The following HECW1 variants were observed in gnomAD, a reference collection of about 807,000 sequenced individuals.
HECW1 encodes the protein HECT, C2 and WW domain containing E3 ubiquitin protein ligase 1, also known as E3 ubiquitin-protein ligase HECW1.
A neutral mutation model predicts 182.3 loss-of-function variants in HECW1; 61 were observed. The ratio of observed to expected loss-of-function variants is 0.33; its 90% confidence interval spans 0.27 to 0.41. The LOEUF is 0.41. Among genes scored for constraint, HECW1 ranks in the 10% least tolerant of loss-of-function variants. HECW1 has a pLI of 1.00. For missense variants in HECW1, 1,739 were observed against 2,108.9 expected, an observed-to-expected ratio of 0.82 and a Z score of 3.44; for synonymous variants, 859 against 832.6, an observed-to-expected ratio of 1.03 and a Z score of -0.55.
chr7:43,459,908 A>ATGG (rs771328872), intron 13 of HECW1, among the ~76,000 whole-genome samples: 3 of 152,210 alleles, frequency 2.0e-5, no homozygotes, highest in Non-Finnish European at 4.4e-5. Flanking sequence ...CATGGTTATG[A>ATGG]TGGTGATATG....
chr7:43,351,378 G>T (rs1814422639), intron 5 of HECW1, among the ~76,000 whole-genome samples: 1 of 152,156 alleles, frequency 6.6e-6, no homozygotes, highest in Non-Finnish European at 1.5e-5. Flanking sequence ...GAGAGTTTCG[G>T]CTGTAGTAGT....
intron 6 of HECW1, among the ~76,000 whole-genome samples, chr7:43,388,867 C>A (rs1013655837): frequency 6.6e-6 from 1 of 152,144 alleles, no homozygotes; most frequent in African/African-American, 2.4e-5. Context: ...CCAGTGGGTG[C>A]CTCTTGATGA....
At chr7:43,142,487 G>C (rs551373745) in intron 2 of HECW1, among the ~76,000 whole-genome samples, 25 of 152,244 alleles carry the variant, frequency 1.6e-4, no homozygotes, top group South Asian at 4.1e-4. Flanking sequence ...GTGGGCTGCT[G>C]TGCCCACCAG....
Position 43,445,255 on chromosome 7 carries a change from A to T in HECW1, c.2083A>T (p.Ser695Cys), listed in dbSNP as rs1173371919. Reference protein sequence around the residue: ...SSCYSTSCYSSSCYSASCYSP... With the variant: ...SSCYSTSCYSCSCYSASCYSP... Reference sequence around the variant, plus strand: ...GTGCTACAGCACGTCCTGCTACAGCAGCTCGTGCTACAGCGCCTCGTGCTA... The same window carrying T: ...GTGCTACAGCACGTCCTGCTACAGCTGCTCGTGCTACAGCGCCTCGTGCTA... Residue 695 changes from serine to cysteine, a missense_variant, in exon 11 of 30, where the codon AGC (serine) becomes TGC (cysteine). Transcript: ENST00000395891. The T allele has an allele frequency of 6.2e-7, 1 of 1,612,390 alleles. No individual in the cohort carries two copies.
chr7:43,370,234 G>A lies in HECW1; in HGVS notation c.555+9254G>A, dbSNP rs913168390. 3.3e-5 allele frequency among the ~76,000 whole-genome samples: 5 copies of A among 152,242 alleles called. No homozygotes were observed. The South Asian group carries it at 6.2e-4, about 19-fold the overall frequency. On this transcript the variant is annotated intron_variant, in intron 6 of 29. Coordinates refer to ENST00000395891, the MANE Select transcript of HECW1 (RefSeq NM_015052.5). ...ATATCTCACCAAAAATACACAAATG[G>A]AAAATTAGCATATGAAAAGATGCCC...
chr7:43,308,005 A>T (rs113029185), intron 3 of HECW1, among the ~76,000 whole-genome samples: 1 of 114,848 alleles, frequency 8.7e-6, no homozygotes, highest in Non-Finnish European at 1.7e-5. Context: ...TATAATATAT[A>T]ATATACAGTA....
At chr7:43,173,900 G>A (rs1262936763) in intron 2 of HECW1, among the ~76,000 whole-genome samples, 3 of 151,802 alleles carry the variant, frequency 2.0e-5, no homozygotes, top group African/African-American at 7.3e-5. Flanking sequence ...GGTGGGGTGG[G>A]GTGATCAAAG....
chr7:43,259,919 A>G (rs186849541), intron 3 of HECW1, among the ~76,000 whole-genome samples: 7 of 152,360 alleles, frequency 4.6e-5, no homozygotes, highest in African/African-American at 1.2e-4. Context: ...CAGCTGAAAT[A>G]TATGGGATAC....
At chr7:43,320,281 G>T (rs1012904896) in intron 4 of HECW1, among the ~76,000 whole-genome samples, 3 of 152,200 alleles carry the variant, frequency 2.0e-5, no homozygotes, top group African/African-American at 7.2e-5. Flanking sequence ...TCAGTTCATA[G>T]AAGCTTTAGG....
intron 2 of HECW1, among the ~76,000 whole-genome samples, chr7:43,197,354 A>T (rs910098117): frequency 6.6e-6 from 1 of 152,112 alleles, no homozygotes; most frequent in African/African-American, 2.4e-5. Context: ...GCTTTTCCAG[A>T]TAATGACTTT....
intron 29 of HECW1, among the ~76,000 whole-genome samples, chr7:43,556,915 A>G (rs1027795835): frequency 6.6e-6 from 1 of 152,058 alleles, no homozygotes; most frequent in Non-Finnish European, 1.5e-5. Context: ...ATCTGAACCA[A>G]GGCACCCCTA....
At chr7:43,215,974 ACTGT>A (rs1028540026) in intron 2 of HECW1, among the ~76,000 whole-genome samples, 2 of 152,082 alleles carry the variant, frequency 1.3e-5, no homozygotes, top group African/African-American at 4.8e-5. Flanking sequence ...GTTTCTTCAA[ACTGT>A]CTGACCCCAT....
chr7:43,151,257 CTCA>C (rs1789291477), intron 2 of HECW1, among the ~76,000 whole-genome samples: 1 of 152,160 alleles, frequency 6.6e-6, no homozygotes, highest in African/African-American at 2.4e-5. Context: ...ATAACATGAT[CTCA>C]TAAGATTATT....
At chr7:43,373,591 T>C (rs2074204112) in intron 6 of HECW1, among the ~76,000 whole-genome samples, 2 of 152,168 alleles carry the variant, frequency 1.3e-5, no homozygotes, top group African/African-American at 4.8e-5. Flanking sequence ...GCTGGTATAG[T>C]AGATTTACAT....
At chr7:43,323,453 AT>A (rs1230367300) in intron 5 of HECW1, among the ~76,000 whole-genome samples, 1 of 151,920 alleles carries the variant, frequency 6.6e-6, no homozygotes, top group Admixed American at 6.6e-5. Context: ...ACGTATGATG[AT>A]GTATGCCTGT....
chr7:43,235,821 TGGG>T (rs1798281307), intron 2 of HECW1, among the ~76,000 whole-genome samples: 1 of 152,130 alleles, frequency 6.6e-6, no homozygotes, highest in Non-Finnish European at 1.5e-5. Flanking sequence ...CACACTCCCC[TGGG>T]CCCACAGTAA....
Position 43,562,263 on chromosome 7 carries a change from A to T in HECW1, c.*337A>T, listed in dbSNP as rs537724886. 18 of 256,768 alleles carry T rather than the reference A, an allele frequency of 7.0e-5. No homozygotes were observed. The highest frequency in any genetic ancestry group is 1.1e-4 in the Non-Finnish European group (15 of 133,760). The allele number at this position is 256,768 out of a possible 1,614,324, so 15.9% of individuals were successfully genotyped here. A position where few individuals can be genotyped will look rare whatever the true frequency, so the allele number is the denominator to read the frequency against. On this transcript the variant is annotated 3_prime_UTR_variant, in exon 30 of 30. Transcript: ENST00000395891. ...AGCTACACTTGACCAAATGGTAATAAATGTTTACTTCCATTTCTATCATTG... is the reference window on the plus strand; with the variant it reads ...AGCTACACTTGACCAAATGGTAATATATGTTTACTTCCATTTCTATCATTG...
intron 8 of HECW1, among the ~76,000 whole-genome samples, chr7:43,419,807 G>A (rs2076123958): frequency 6.6e-6 from 1 of 152,124 alleles, no homozygotes; most frequent in African/African-American, 2.4e-5. Flanking sequence ...CTGCAGAAAG[G>A]GTACACTCAC....
At chr7:43,284,345 A>AT (rs1211260840) in intron 3 of HECW1, among the ~76,000 whole-genome samples, 1 of 151,968 alleles carries the variant, frequency 6.6e-6, no homozygotes, top group Non-Finnish European at 1.5e-5. Flanking sequence ...CACACTTCTT[A>AT]TTTTTTTGTG....
Sources: allele counts gnomAD v4.1 joint callset (sites outside exome capture counted in the v4.1 genomes callset), GRCh38; gene constraint gnomAD v4.1.1; transcripts MANE v1.5; gene names NCBI Gene and HGNC (gene_info 2026-07-23, HGNC 2026-07-21).